KALRN: variants seen among roughly 807,000 people sequenced by gnomAD.
KALRN encodes the protein kalirin RhoGEF kinase, also known as kalirin.
Under a neutral mutation model 353.7 loss-of-function variants are expected in KALRN, and 70 were observed. The observed-to-expected ratio is 0.20, with a 90% CI of 0.16 to 0.24. KALRN has a LOEUF of 0.24. KALRN is among the 10% of genes least tolerant of loss of function. The pLI, the probability that KALRN is intolerant of heterozygous loss-of-function variation, is 1.00. For synonymous variants in KALRN, 1,391 were observed against 1,434.8 expected (o/e 0.97, Z 0.69); for missense variants, 2,791 against 3,756.7 (o/e 0.74, Z 6.72).
At chr3:124,503,276 G>C (rs2064816251) in intron 33 of KALRN, among the ~76,000 whole-genome samples, 1 of 152,006 alleles carries the variant, frequency 6.6e-6, no homozygotes, top group Non-Finnish European at 1.5e-5. Context: ...CTAAACTTGG[G>C]CTTTATAATA....
chr3:124,160,654 G>C (rs1486299132), intron 1 of KALRN, among the ~76,000 whole-genome samples: 1 of 152,086 alleles, frequency 6.6e-6, no homozygotes, highest in Non-Finnish European at 1.5e-5. Context: ...GTAAGAGACA[G>C]CCTGGCCTTT....
At chr3:124,419,523 G>T (rs1001532466) in intron 14 of KALRN, among the ~76,000 whole-genome samples, 5 of 152,038 alleles carry the variant, frequency 3.3e-5, no homozygotes, top group Non-Finnish European at 7.3e-5. Context: ...CACAGCATAT[G>T]ACCTCAGTTC....
chr3:124,273,301 A>G lies in KALRN; in HGVS notation c.969+4046A>G, dbSNP rs971053951. ...AGGGCCTCTGTTCCACAGATAATTC[A>G]TAAAGCAAGTCACTCATTCATTTAA... is the stretch of plus-strand genomic sequence containing the variant. On this transcript the variant is annotated intron_variant, in intron 5 of 59. Transcript: ENST00000682506. Among the ~76,000 whole-genome samples, 3 of 152,172 alleles carry G rather than the reference A, an allele frequency of 2.0e-5. No homozygotes were observed. The East Asian group carries it at 5.8e-4, about 29-fold the overall frequency.
rs60351908 is a variant in KALRN, at chr3:124,321,575, G to A, written c.1093-4405G>A. Among the ~76,000 whole-genome samples, 1,100 of 152,316 alleles carry A rather than the reference G, an allele frequency of 7.2e-3. 21 individuals carry two copies. The highest frequency in any genetic ancestry group is 0.025 in the African/African-American group (1,051 of 41,564). Reference sequence around the variant, plus strand: ...TTCAGGACAATGACTCTGCTCCATCGATTTCAGTTAATCACAGCATGGGAC... The same window carrying A: ...TTCAGGACAATGACTCTGCTCCATCAATTTCAGTTAATCACAGCATGGGAC... On this transcript the variant is annotated intron_variant, in intron 6 of 59. Transcript: ENST00000682506.
At chr3:124,294,552 T>C (rs182654928) in intron 5 of KALRN, among the ~76,000 whole-genome samples, 1 of 99,290 alleles carries the variant, frequency 1.0e-5, no homozygotes, top group African/African-American at 3.9e-5. Flanking sequence ...TGAGATGGAG[T>C]CTCGCACTGT....
At chr3:124,646,699 A>C (rs202154925) in intron 37 of KALRN, among the ~76,000 whole-genome samples, 2 of 145,046 alleles carry the variant, frequency 1.4e-5, no homozygotes, top group Non-Finnish European at 1.5e-5. Flanking sequence ...CCTCTTTTCC[A>C]TTTTTTTTTT....
At chr3:124,384,713 C>T (rs1288017637) in intron 10 of KALRN, 132 bp from the exon 11 acceptor site, 4 of 836,938 alleles carry the variant, frequency 4.8e-6, no homozygotes, top group Non-Finnish European at 7.2e-6. Flanking sequence ...CCGCGCACCG[C>T]GCCTCAGTGC....
intron 33 of KALRN, among the ~76,000 whole-genome samples, chr3:124,561,908 A>C (rs1379484689): frequency 6.6e-6 from 1 of 152,228 alleles, no homozygotes; most frequent in Non-Finnish European, 1.5e-5. Flanking sequence ...TCTCATGGAA[A>C]TATGAAGCCA....
chr3:124,171,639 A>G (rs1022655266), intron 1 of KALRN, among the ~76,000 whole-genome samples: 9 of 152,160 alleles, frequency 5.9e-5, no homozygotes, highest in African/African-American at 9.7e-5. Flanking sequence ...AGGCAGTCAC[A>G]TTGTAAAGGA....
chr3:124,187,058 T>C (rs1056694367), intron 1 of KALRN, among the ~76,000 whole-genome samples: 2 of 152,270 alleles, frequency 1.3e-5, no homozygotes, highest in South Asian at 4.2e-4. Context: ...GACCTGGACA[T>C]GTAGATTGAA....
intron 34 of KALRN, among the ~76,000 whole-genome samples, chr3:124,585,205 G>A (rs1169142115): frequency 1.3e-5 from 2 of 152,232 alleles, no homozygotes; most frequent in Non-Finnish European, 2.9e-5. Flanking sequence ...GCTAGGGAGT[G>A]GGATGCGGAC....
At chr3:124,288,664 G>A (rs2076161093) in intron 5 of KALRN, among the ~76,000 whole-genome samples, 2 of 152,126 alleles carry the variant, frequency 1.3e-5, no homozygotes, top group South Asian at 2.1e-4. Flanking sequence ...CAATGTATTA[G>A]TGCAGTGAAC....
intron 19 of KALRN, among the ~76,000 whole-genome samples, chr3:124,443,852 A>C (rs553833397): frequency 6.6e-6 from 1 of 152,298 alleles, no homozygotes; most frequent in East Asian, 1.9e-4. Context: ...CCATAGAGGG[A>C]GGGAGCTTCA....
chr3:124,189,056 G>T (rs1236556833), intron 1 of KALRN, among the ~76,000 whole-genome samples: 2 of 152,162 alleles, frequency 1.3e-5, no homozygotes, highest in African/African-American at 4.8e-5. Flanking sequence ...TTGCCTCAGA[G>T]GGAAACAATA....
rs750192369 is a variant in KALRN, at chr3:124,491,390, G to A, written c.4655G>A (p.Arg1552His). ...DPCKFALWSG[R>H]TPSSDNKTVL... ...TGCAAATTCGCCTTGTGGTCTGGGCGCACCCCATCCTCAGACAATAAAACA... is the reference window on the plus strand; with the variant it reads ...TGCAAATTCGCCTTGTGGTCTGGGCACACCCCATCCTCAGACAATAAAACA... Residue 1552 changes from arginine (R) to histidine (H), a missense_variant, in exon 31 of 60, where the codon CGC becomes CAC. Arg to His is a conservative substitution (Grantham distance 29). This residue lies in a region of KALRN where 239 missense variants were observed against 351.3 expected (regional missense o/e 0.68). Transcript: ENST00000682506. 9.9e-6 allele frequency: 16 copies of A among 1,609,216 alleles called. No individual in the cohort carries two copies. Among genetic ancestry groups the A allele is most frequent in the East Asian group, 2.2e-5 (1 of 44,610 alleles).
intron 33 of KALRN, among the ~76,000 whole-genome samples, chr3:124,548,611 A>G (rs1323723666): frequency 3.3e-5 from 5 of 152,168 alleles, no homozygotes; most frequent in Non-Finnish European, 5.9e-5. Flanking sequence ...TAATAACAAC[A>G]GCCATTAAGT....
chr3:124,063,414 G>T (rs1279875502), intron 1 of KALRN, among the ~76,000 whole-genome samples: 1 of 152,192 alleles, frequency 6.6e-6, no homozygotes, highest in East Asian at 1.9e-4. Flanking sequence ...TGGTCTCCTC[G>T]GTGGAGGGGT....
chr3:124,316,689 C>A (rs1186887207), intron 6 of KALRN, among the ~76,000 whole-genome samples: 1 of 152,166 alleles, frequency 6.6e-6, no homozygotes, highest in East Asian at 1.9e-4. Context: ...ACGTGCTATC[C>A]TTTTCCCAGG....
intron 1 of KALRN, among the ~76,000 whole-genome samples, chr3:124,104,159 G>C (rs1435607413): frequency 6.6e-6 from 1 of 152,140 alleles, no homozygotes; most frequent in Non-Finnish European, 1.5e-5. Context: ...ATGTTAAGTT[G>C]CTAGATGAGT....
Sources: allele counts gnomAD v4.1 joint callset (sites outside exome capture counted in the v4.1 genomes callset), GRCh38; gene constraint gnomAD v4.1.1; regional missense constraint gnomAD v4.1.1; transcripts MANE v1.5; gene names NCBI Gene and HGNC (gene_info 2026-07-23, HGNC 2026-07-21).